Variants in SH3KBP1 observed in about 807,000 individuals in gnomAD.
SH3KBP1 encodes SH3 domain-containing kinase-binding protein 1.
Under a neutral mutation model 50.1 loss-of-function variants are expected in SH3KBP1, and 8 were observed. The ratio of observed to expected loss-of-function variants is 0.16; its 90% CI spans 0.09 to 0.29. SH3KBP1 has a LOEUF of 0.29. Among genes scored for constraint, SH3KBP1 ranks in the 10% least tolerant of loss-of-function variants. The pLI, the probability that SH3KBP1 is intolerant of heterozygous loss-of-function variation, is 1.00. For missense variants in SH3KBP1, 377 were observed against 535.2 expected, an observed-to-expected ratio of 0.70 and a Z score of 2.92; for synonymous variants, 227 against 218.6, an observed-to-expected ratio of 1.04 and a Z score of -0.34.
Position 19,695,759 on chromosome X carries a change from A to G in SH3KBP1, c.391-18T>C, listed in dbSNP as rs1373864092. On this transcript the variant is annotated intron_variant, in intron 4 of 17. Transcript: ENST00000397821. ...TCCTCTACCTGCAGAGATACAAACAAAAGAGCAGAGATACATGGGTCAGGT... is the reference window on the plus strand; with the variant it reads ...TCCTCTACCTGCAGAGATACAAACAGAAGAGCAGAGATACATGGGTCAGGT... 3.3e-6 allele frequency: 4 copies of G among 1,205,234 alleles called. No homozygotes were observed. In the African/African-American group the frequency reaches 5.3e-5, roughly 16 times the overall value.
At chrX:19,567,540 A>AT (rs2065881808) in intron 13 of SH3KBP1, among the ~76,000 whole-genome samples, 1 of 70,788 alleles carries the variant, frequency 1.4e-5, no homozygotes, top group African/African-American at 6.2e-5. Flanking sequence ...AAAAAAAAAA[A>AT]AAAAAAAAAA....
At chrX:19,772,088 G>GA (rs998251019) in intron 2 of SH3KBP1, among the ~76,000 whole-genome samples, 3 of 110,020 alleles carry the variant, frequency 2.7e-5, no homozygotes, top group East Asian at 5.7e-4. Context: ...CATTATTTAA[G>GA]AAAAAAAATA....
chrX:19,567,992 G>T (rs992556752), intron 13 of SH3KBP1, among the ~76,000 whole-genome samples: 1 of 110,956 alleles, frequency 9.0e-6, no homozygotes, highest in African/African-American at 3.3e-5. Flanking sequence ...TAAACCAGGT[G>T]CAGAAAGAGA....
chrX:19,709,271 C>G (rs1603072779), intron 3 of SH3KBP1, among the ~76,000 whole-genome samples: 1 of 111,833 alleles, frequency 8.9e-6, no homozygotes, highest in Non-Finnish European at 1.9e-5. Flanking sequence ...AGAGTAAGCC[C>G]TACAGAGGGC....
At chrX:19,548,574 A>C (rs1282999777) in intron 14 of SH3KBP1, among the ~76,000 whole-genome samples, 1 of 111,350 alleles carries the variant, frequency 9.0e-6, no homozygotes, top group African/African-American at 3.3e-5. Context: ...CAATGCAGTT[A>C]GGTTTTTCAT....
chrX:19,645,561 T>A (rs1404653506), intron 6 of SH3KBP1, 86 bp from the exon 7 acceptor site: 6 of 770,969 alleles, frequency 7.8e-6, no homozygotes, highest in Non-Finnish European at 9.8e-6. Flanking sequence ...AATGACAAAA[T>A]GCTCGAAATT....
At chrX:19,745,751 G>GA (rs1171226601) in intron 3 of SH3KBP1, among the ~76,000 whole-genome samples, 1 of 111,825 alleles carries the variant, frequency 8.9e-6, no homozygotes, top group African/African-American at 3.3e-5. Context: ...GGGGATGGGA[G>GA]AAAAAACAAA....
At chrX:19,790,494 C>A (rs1392614092) in intron 2 of SH3KBP1, among the ~76,000 whole-genome samples, 5 of 111,802 alleles carry the variant, frequency 4.5e-5, no homozygotes, top group Non-Finnish European at 9.4e-5. Flanking sequence ...AATCAAAATA[C>A]TTACGTTCCA....
At chrX:19,702,173 C>G (rs1302812271) in intron 4 of SH3KBP1, among the ~76,000 whole-genome samples, 1 of 111,909 alleles carries the variant, frequency 8.9e-6, no homozygotes, top group African/African-American at 3.3e-5. Flanking sequence ...TAAAGCAAGG[C>G]GATTATCTTA....
At chrX:19,835,257 C>T (rs2068028186) in intron 2 of SH3KBP1, among the ~76,000 whole-genome samples, 1 of 111,041 alleles carries the variant, frequency 9.0e-6, no homozygotes, top group Non-Finnish European at 1.9e-5. Context: ...CCACAGCCTC[C>T]CAAGTAGCTG....
intron 2 of SH3KBP1, among the ~76,000 whole-genome samples, chrX:19,803,863 C>G (rs964141214): frequency 8.9e-6 from 1 of 112,138 alleles, no homozygotes; most frequent in Non-Finnish European, 1.9e-5. Flanking sequence ...GTCCTGGCTC[C>G]CCACACACTG....
chrX:19,596,427 G>A (rs903520700), intron 9 of SH3KBP1, among the ~76,000 whole-genome samples: 1 of 112,053 alleles, frequency 8.9e-6, no homozygotes, highest in Non-Finnish European at 1.9e-5. Flanking sequence ...ACTTTTTGCT[G>A]GGGGAGGGTC....
At chrX:19,563,267 G>C (rs1003867913) in intron 13 of SH3KBP1, among the ~76,000 whole-genome samples, 3 of 111,976 alleles carry the variant, frequency 2.7e-5, no homozygotes, top group Non-Finnish European at 3.8e-5. Flanking sequence ...CCCTTCAAAG[G>C]GCCCTGAAGG....
At chrX:19,572,402 A>C (rs999364357) in intron 12 of SH3KBP1, among the ~76,000 whole-genome samples, 1 of 88,616 alleles carries the variant, frequency 1.1e-5, no homozygotes, top group Non-Finnish European at 2.1e-5. Flanking sequence ...CATATGTTAT[A>C]TATAGTACAT....
intron 6 of SH3KBP1, among the ~76,000 whole-genome samples, chrX:19,661,994 C>T (rs1180590272): frequency 1.8e-5 from 2 of 111,738 alleles, no homozygotes; most frequent in South Asian, 3.7e-4. Context: ...TACCCCTCCA[C>T]GTTATTGATG....
At chrX:19,789,054 G>A (rs1213992882) in intron 2 of SH3KBP1, among the ~76,000 whole-genome samples, 2 of 111,703 alleles carry the variant, frequency 1.8e-5, no homozygotes, top group Non-Finnish European at 3.8e-5. Flanking sequence ...AACCTGAGAG[G>A]CAGAGGTTGT....
intron 2 of SH3KBP1, among the ~76,000 whole-genome samples, chrX:19,811,285 T>C (rs2067199287): frequency 8.9e-6 from 1 of 111,934 alleles, no homozygotes; most frequent in Admixed American, 9.4e-5. Flanking sequence ...ATTCCTTTCA[T>C]ATCTGTGCCC....
intron 2 of SH3KBP1, among the ~76,000 whole-genome samples, chrX:19,762,168 C>G (rs1163822179): frequency 8.9e-6 from 1 of 112,828 alleles, no homozygotes; most frequent in Non-Finnish European, 1.9e-5. Flanking sequence ...TGGGCGTAGG[C>G]CGAACTAACC....
chrX:19,823,010 G>C (rs773273150), intron 2 of SH3KBP1, among the ~76,000 whole-genome samples: 2 of 111,971 alleles, frequency 1.8e-5, no homozygotes, highest in Non-Finnish European at 3.8e-5. Context: ...TGGGTTAGGA[G>C]TTGTTTGCCC....
Sources: allele counts gnomAD v4.1 joint callset (sites outside exome capture counted in the v4.1 genomes callset), GRCh38; gene constraint gnomAD v4.1.1; transcripts MANE v1.5; gene names NCBI Gene and HGNC (gene_info 2026-07-23, HGNC 2026-07-21).